BMPER: variants seen among roughly 807,000 people sequenced by gnomAD.
The protein encoded by BMPER is BMP binding endothelial regulator.
BMPER carries 45 observed loss-of-function variants against 87.3 expected under a neutral mutation model. That is an observed-to-expected ratio of 0.52 (90% CI 0.41 to 0.66). The LOEUF (loss-of-function observed/expected upper bound fraction) is 0.66, where lower values mean the gene tolerates loss of function less well. Ranked by LOEUF, BMPER falls within the 30% of genes least tolerant of loss-of-function variation. The pLI is 0.00. For missense variants in BMPER, 784 were observed against 867.5 expected (o/e 0.90, Z 1.21); for synonymous variants, 326 against 316.2 (o/e 1.03, Z -0.33).
chr7:34,042,070 A>G (rs1235040507), intron 6 of BMPER, among the ~76,000 whole-genome samples: 1 of 152,160 alleles, frequency 6.6e-6, no homozygotes, highest in Admixed American at 6.6e-5. Context: ...CACTATATTC[A>G]GGAAGATAGG....
intron 13 of BMPER, among the ~76,000 whole-genome samples, chr7:34,111,190 C>T (rs1405494363): frequency 1.3e-5 from 2 of 152,196 alleles, no homozygotes; most frequent in Admixed American, 6.5e-5. Flanking sequence ...ATGGAATCTC[C>T]TGCTGTTTCA....
chr7:33,989,488 T>G (rs1220636830), intron 6 of BMPER, among the ~76,000 whole-genome samples: 1 of 152,242 alleles, frequency 6.6e-6, no homozygotes, highest in East Asian at 1.9e-4. Context: ...TAAATTTGTT[T>G]GAGTTCATTG....
At chr7:34,060,666 G>T (rs1307289091) in intron 10 of BMPER, among the ~76,000 whole-genome samples, 1 of 152,168 alleles carries the variant, frequency 6.6e-6, no homozygotes, top group African/African-American at 2.4e-5. Context: ...GAGTACTTAA[G>T]CCTACTCTTG....
At chr7:34,042,827 T>C (rs1182586306) in intron 6 of BMPER, 1 of 152,202 alleles carries the variant, frequency 6.6e-6, no homozygotes, top group Non-Finnish European at 1.5e-5. Context: ...GTAAAGTCAA[T>C]GTCTCCTTAC....
At chr7:34,068,917 T>G (rs567308579) in intron 11 of BMPER, among the ~76,000 whole-genome samples, 2 of 152,342 alleles carry the variant, frequency 1.3e-5, no homozygotes, top group South Asian at 4.1e-4. Context: ...TGCATATTTT[T>G]AAAAATCTCC....
intron 12 of BMPER, among the ~76,000 whole-genome samples, chr7:34,082,329 T>G (rs903328487): frequency 9.6e-5 from 1 of 10,448 alleles, no homozygotes; most frequent in Non-Finnish European, 1.8e-4. Context: ...AACTTATTAG[T>G]TTTTTTTTTT....
At chr7:34,065,817 G>A (rs1788574751) in intron 11 of BMPER, among the ~76,000 whole-genome samples, 1 of 152,134 alleles carries the variant, frequency 6.6e-6, no homozygotes, top group African/African-American at 2.4e-5. Context: ...CATCATATAT[G>A]TCCACTCTTA....
At chr7:33,908,453 C>G (rs28774690) in intron 2 of BMPER, among the ~76,000 whole-genome samples, 4 of 152,150 alleles carry the variant, frequency 2.6e-5, no homozygotes, top group Non-Finnish European at 5.9e-5. Context: ...AGCATTCCCC[C>G]CTTTTCAGTA....
chr7:34,024,384 A>AAAAAAAAAAAAAAAAAAAAT (rs1562695193), intron 6 of BMPER, among the ~76,000 whole-genome samples: 1 of 23,430 alleles, frequency 4.3e-5, no homozygotes, highest in Admixed American at 8.4e-4. Flanking sequence ...AAAAAAAAAC[A>AAAAAAAAAAAAAAAAAAAAT]ATATATATAT....
At chr7:33,934,956 G>A (rs557046189) in intron 2 of BMPER, among the ~76,000 whole-genome samples, 4 of 152,256 alleles carry the variant, frequency 2.6e-5, no homozygotes, top group East Asian at 1.9e-4. Flanking sequence ...CAAGAACTAC[G>A]CTTTTCAAAA....
chr7:33,917,825 T>TGG, intron 2 of BMPER, among the ~76,000 whole-genome samples: 1 of 152,266 alleles, frequency 6.6e-6, no homozygotes, highest in South Asian at 2.1e-4. Context: ...GCACCCTATT[T>TGG]TTAGACCCTG....
At chr7:34,051,722 G>T (rs1438028721) in intron 7 of BMPER, 139 bp from the exon 8 acceptor site, 2 of 754,756 alleles carry the variant, frequency 2.6e-6, no homozygotes, top group Admixed American at 4.0e-5. Flanking sequence ...AGGCATGTCT[G>T]ACCCAAGACT....
intron 13 of BMPER, among the ~76,000 whole-genome samples, chr7:34,095,480 C>T (rs1481552258): frequency 1.3e-5 from 2 of 152,188 alleles, no homozygotes; most frequent in East Asian, 3.8e-4. Context: ...GTATTTCTAT[C>T]TTTAAGCTTA....
intron 2 of BMPER, among the ~76,000 whole-genome samples, chr7:33,919,706 A>G (rs1384104775): frequency 6.6e-6 from 1 of 152,228 alleles, no homozygotes; most frequent in Admixed American, 6.5e-5. Flanking sequence ...GAGGCACTGC[A>G]AGACAGGAGC....
At chr7:33,964,551 A>G (rs187944271) in intron 3 of BMPER, among the ~76,000 whole-genome samples, 11 of 152,340 alleles carry the variant, frequency 7.2e-5, no homozygotes, top group Middle Eastern at 3.4e-3. Flanking sequence ...ACTGACAGTT[A>G]TTTGAAGCAG....
At chr7:34,042,570 G>A (rs1364154760) in intron 6 of BMPER, 3 of 152,176 alleles carry the variant, frequency 2.0e-5, no homozygotes, top group Non-Finnish European at 4.4e-5. Context: ...AGGCTAGAAT[G>A]TGTAAAACCC....
chr7:33,960,665 G>A (rs1355156909), intron 3 of BMPER, among the ~76,000 whole-genome samples: 2 of 152,192 alleles, frequency 1.3e-5, no homozygotes, highest in Non-Finnish European at 2.9e-5. Flanking sequence ...GAAAGGAAAA[G>A]GCACTCTACT....
chr7:34,005,838 A>AT (rs2127938009), intron 6 of BMPER, among the ~76,000 whole-genome samples: 1 of 152,150 alleles, frequency 6.6e-6, no homozygotes, highest in African/African-American at 2.4e-5. Context: ...TTTTGCACTT[A>AT]TTTTATCAAT....
intron 3 of BMPER, among the ~76,000 whole-genome samples, chr7:33,962,750 G>C (rs1478467323): frequency 6.6e-6 from 1 of 151,960 alleles, no homozygotes; most frequent in Non-Finnish European, 1.5e-5. Context: ...AATGCTTTTT[G>C]TCACTAGAAG....
Sources: allele counts gnomAD v4.1 joint callset (sites outside exome capture counted in the v4.1 genomes callset), GRCh38; gene constraint gnomAD v4.1.1; transcripts MANE v1.5; gene names NCBI Gene and HGNC (gene_info 2026-07-23, HGNC 2026-07-21).